TBC1D23: variants seen among roughly 807,000 people sequenced by gnomAD.
TBC1D23 encodes HCV non-structural protein 4A-transactivated protein 1.
Under a neutral mutation model 91.4 loss-of-function variants are expected in TBC1D23, and 55 were observed. The ratio of observed to expected loss-of-function variants is 0.60; its 90% CI spans 0.48 to 0.75. The LOEUF (loss-of-function observed/expected upper bound fraction) is 0.75, where lower values mean the gene tolerates loss of function less well. TBC1D23 is among the 30% of genes least tolerant of loss of function. The pLI, the probability that TBC1D23 is intolerant of heterozygous loss-of-function variation, is 0.00. For missense variants in TBC1D23, 725 were observed against 836.1 expected (o/e 0.87, Z 1.64); for synonymous variants, 289 against 281.0 (o/e 1.03, Z -0.28).
At chr3:100,277,354 A>C (rs1171172113) in intron 1 of TBC1D23, among the ~76,000 whole-genome samples, 2 of 152,174 alleles carry the variant, frequency 1.3e-5, no homozygotes, top group East Asian at 3.9e-4. Flanking sequence ...GGTTTGTAAG[A>C]AGTATCTTTT....
intron 1 of TBC1D23, among the ~76,000 whole-genome samples, chr3:100,261,806 G>A (rs918697081): frequency 1.3e-5 from 2 of 152,156 alleles, no homozygotes; most frequent in South Asian, 4.1e-4. Flanking sequence ...TTTGGGAAAG[G>A]CTTCTACTTT....
In TBC1D23 at chr3:100,311,835, T is replaced by A; in HGVS notation, c.1556T>A (p.Met519Lys). The A allele has an allele frequency of 2.0e-6, 3 of 1,534,234 alleles. No individual in the cohort carries two copies. Among genetic ancestry groups the A allele is most frequent in the Non-Finnish European group, 2.6e-6 (3 of 1,144,870 alleles). ...IENTSTPVDR[M>K]SFNLPWPDRS... ...TCCTCTGCCTTGATTTGCTATAGAA[T>A]GTCTTTCAATCTTCCTTGGCCAGAC... The change falls in exon 15 of 19, where the codon ATG becomes AAG. Residue 519 changes from methionine (M) to lysine (K), a missense_variant and splice_region_variant. Met to Lys is a moderately conservative substitution (Grantham distance 95). Coordinates refer to ENST00000394144, the MANE Select transcript of TBC1D23 (RefSeq NM_001199198.3).
At chr3:100,304,326 C>G (rs1345518709) in intron 11 of TBC1D23, among the ~76,000 whole-genome samples, 2 of 151,762 alleles carry the variant, frequency 1.3e-5, no homozygotes, top group Non-Finnish European at 2.9e-5. Context: ...GTGATGCCTG[C>G]CTCTTTTAGA....
At chr3:100,293,130 CTTA>C (rs2067806943) in intron 5 of TBC1D23, among the ~76,000 whole-genome samples, 2 of 79,046 alleles carry the variant, frequency 2.5e-5, no homozygotes, top group Non-Finnish European at 4.7e-5. Context: ...TGTTTGTTTA[CTTA>C]TTTATTTATT....
chr3:100,268,776 G>T (rs899024878), intron 1 of TBC1D23, among the ~76,000 whole-genome samples: 1 of 152,152 alleles, frequency 6.6e-6, no homozygotes, highest in African/African-American at 2.4e-5. Context: ...CACCTCATAT[G>T]TATAGAAGGG....
Position 100,324,814 on chromosome 3 carries a change from T to A in TBC1D23, c.*1146T>A, listed in dbSNP as rs1452729457. On this transcript the variant is annotated 3_prime_UTR_variant, in exon 19 of 19. Transcript: ENST00000394144. ...GGAATAGTATTTTGTAAAATCCATT[T>A]GGGAAGTTGCAATACCCACAATCTG... The A allele has an allele frequency of 6.6e-6, 1 of 152,216 alleles. No individual in the cohort carries two copies. Among genetic ancestry groups the A allele is most frequent in the African/African-American group, 2.4e-5 (1 of 41,464 alleles). 9.4% of individuals were successfully genotyped at this position (152,216 alleles called of 1,614,324 possible).
intron 15 of TBC1D23, among the ~76,000 whole-genome samples, chr3:100,314,580 G>A (rs1705699163): frequency 6.6e-6 from 1 of 152,092 alleles, no homozygotes; most frequent in African/African-American, 2.4e-5. Context: ...ATTCTGTGCA[G>A]CATAGCAAGA....
chr3:100,279,607 A>C, intron 1 of TBC1D23, 42 bp from the exon 2 acceptor site: 1 of 1,282,760 alleles, frequency 7.8e-7, no homozygotes, highest in Non-Finnish European at 1.1e-6. Flanking sequence ...AAGAAAAAGT[A>C]TGAGATAAAG....
intron 15 of TBC1D23, among the ~76,000 whole-genome samples, chr3:100,315,154 CTTTTTTTTTTTTT>C (rs397705981): frequency 3.4e-4 from 25 of 73,672 alleles, no homozygotes; most frequent in African/African-American, 6.2e-4. Flanking sequence ...GAGGCAGATT[CTTTTTTTTTTTTT>C]TTTTTTTTTT....
intron 12 of TBC1D23, among the ~76,000 whole-genome samples, chr3:100,305,789 G>A (rs899090728): frequency 5.9e-5 from 9 of 152,122 alleles, no homozygotes; most frequent in African/African-American, 1.9e-4. Context: ...CCAGAGTGAT[G>A]TACAAAAGGG....
rs376160196 is a variant in TBC1D23 at position 100,307,167 on chromosome 3, T to C, written c.1413+624T>C. 1.1e-4 allele frequency among the ~76,000 whole-genome samples: 16 copies of C among 152,376 alleles called. No homozygotes were observed. The East Asian group carries it at 1.9e-3, about 18-fold the overall frequency. ...AATCTGTTTTTCTGTTCTTTGGAAA[T>C]ATTTGGGTAATAGGTCTTTTGTGCT... is the stretch of plus-strand genomic sequence containing the variant. On this transcript the variant is annotated intron_variant, in intron 13 of 18. Transcript: ENST00000394144.
chr3:100,261,489 C>G (rs1028790027), intron 1 of TBC1D23: 2 of 170,198 alleles, frequency 1.2e-5, no homozygotes, highest in East Asian at 3.3e-4. Flanking sequence ...ATGACCACTG[C>G]GACCTTCGCC....
At chr3:100,280,239 CAA>C (rs2067683163) in intron 2 of TBC1D23, among the ~76,000 whole-genome samples, 1 of 150,744 alleles carries the variant, frequency 6.6e-6, no homozygotes, top group African/African-American at 2.4e-5. Context: ...AAAAAAAAAA[CAA>C]AAAGAAATGG....
chr3:100,273,851 A>G (rs972034003), intron 1 of TBC1D23, among the ~76,000 whole-genome samples: 14 of 152,224 alleles, frequency 9.2e-5, no homozygotes, highest in Admixed American at 9.2e-4. Context: ...TTTACACTAT[A>G]TACAAAAATC....
chr3:100,287,868 C>G (rs914214441), intron 4 of TBC1D23, among the ~76,000 whole-genome samples: 1 of 151,828 alleles, frequency 6.6e-6, no homozygotes, highest in Non-Finnish European at 1.5e-5. Context: ...ATCCTCCCTC[C>G]TCAGCCTCCT....
At chr3:100,321,067 G>T in intron 18 of TBC1D23, 96 bp downstream of exon 18, 2 of 919,552 alleles carry the variant, frequency 2.2e-6, no homozygotes, top group Non-Finnish European at 3.2e-6. Flanking sequence ...TTTGGGGAAT[G>T]GATGGTGGAA....
At chr3:100,281,369 T>C (rs2067693130) in intron 2 of TBC1D23, among the ~76,000 whole-genome samples, 1 of 152,214 alleles carries the variant, frequency 6.6e-6, no homozygotes, top group African/African-American at 2.4e-5. Flanking sequence ...AAACATTTGC[T>C]CAATTTATTA....
At chr3:100,306,571 G>A (rs751846323) in intron 13 of TBC1D23, 28 bp downstream of exon 13, 37 of 1,388,560 alleles carry the variant, frequency 2.7e-5, no homozygotes, top group Middle Eastern at 1.8e-4. Context: ...ATATGTTACC[G>A]GATTTGGATA....
chr3:100,309,230 G>T (rs1705573464), intron 13 of TBC1D23, among the ~76,000 whole-genome samples: 2 of 152,112 alleles, frequency 1.3e-5, no homozygotes, highest in Non-Finnish European at 2.9e-5. Context: ...CTTACATTTG[G>T]TACATCAGGA....
Sources: gnomAD v4.1 joint callset for allele counts (sites outside exome capture counted in the v4.1 genomes callset) on GRCh38, gnomAD v4.1.1 for gene constraint, MANE v1.5 for transcripts, NCBI Gene and HGNC (gene_info 2026-07-23, HGNC 2026-07-21) for gene names.